Variants in EXOC6B observed in about 807,000 individuals in gnomAD.
EXOC6B encodes SEC15 homolog B.
EXOC6B carries 54 observed loss-of-function variants against 113.5 expected under a neutral mutation model. The observed-to-expected ratio is 0.48, with a 90% CI of 0.38 to 0.60. EXOC6B has a LOEUF of 0.60. Ranked by LOEUF, EXOC6B falls within the 20% of genes least tolerant of loss-of-function variation. The probability of loss-of-function intolerance (pLI) is 0.00; values close to 1 mark genes in which losing one functional copy is unlikely to be tolerated. For synonymous variants in EXOC6B, 357 were observed against 339.0 expected (o/e 1.05, Z -0.58); for missense variants, 797 against 977.5 (o/e 0.82, Z 2.46).
intron 8 of EXOC6B, among the ~76,000 whole-genome samples, chr2:72,522,001 A>G (rs1407036751): frequency 6.6e-6 from 1 of 152,070 alleles, no homozygotes; most frequent in East Asian, 1.9e-4. Flanking sequence ...CGGCCAGTTT[A>G]AAGTTTTTTA....
At chr2:72,392,553 G>A (rs80138923) in intron 18 of EXOC6B, among the ~76,000 whole-genome samples, 27 of 152,122 alleles carry the variant, frequency 1.8e-4, no homozygotes, top group Middle Eastern at 3.4e-3. Context: ...ATCAATATCC[G>A]GATCAGCTCA....
chr2:72,648,619 A>G (rs1412300885), intron 6 of EXOC6B, among the ~76,000 whole-genome samples: 2 of 152,194 alleles, frequency 1.3e-5, no homozygotes, highest in Non-Finnish European at 2.9e-5. Flanking sequence ...CTGCAGAACT[A>G]TCCACAATAG....
chr2:72,659,398 C>T (rs1674840485), intron 6 of EXOC6B, among the ~76,000 whole-genome samples: 1 of 152,118 alleles, frequency 6.6e-6, no homozygotes, highest in Non-Finnish European at 1.5e-5. Flanking sequence ...TCCATCTACT[C>T]ATGATTCACT....
At chr2:72,185,275 G>T (rs776755053) in intron 20 of EXOC6B, among the ~76,000 whole-genome samples, 1 of 152,234 alleles carries the variant, frequency 6.6e-6, no homozygotes, top group Non-Finnish European at 1.5e-5. Context: ...AACAAAGGCA[G>T]AGGGCCAAGA....
intron 18 of EXOC6B, among the ~76,000 whole-genome samples, chr2:72,440,350 C>T (rs1227022525): frequency 6.6e-6 from 1 of 152,150 alleles, no homozygotes; most frequent in African/African-American, 2.4e-5. Flanking sequence ...CAGTGAAACT[C>T]TCATTGGAAA....
chr2:72,611,842 A>C (rs906871384), intron 6 of EXOC6B, among the ~76,000 whole-genome samples: 2 of 152,216 alleles, frequency 1.3e-5, no homozygotes, highest in Non-Finnish European at 2.9e-5. Context: ...AGTTTATTTT[A>C]TATAACAGTT....
chr2:72,344,452 CTT>C (rs1165888281), intron 19 of EXOC6B, among the ~76,000 whole-genome samples: 1 of 145,522 alleles, frequency 6.9e-6, no homozygotes. Flanking sequence ...TGTTGATTTA[CTT>C]TTTTTTTTTG....
At chr2:72,383,304 A>C (rs115785461) in intron 18 of EXOC6B, among the ~76,000 whole-genome samples, 1 of 152,250 alleles carries the variant, frequency 6.6e-6, no homozygotes, top group African/African-American at 2.4e-5. Context: ...CAAGCAAATA[A>C]ACAAACAAAC....
intron 20 of EXOC6B, among the ~76,000 whole-genome samples, chr2:72,302,687 C>A (rs1474909750): frequency 2.3e-4 from 35 of 152,074 alleles, no homozygotes; most frequent in Admixed American, 2.3e-3. Context: ...GGTAGATTTG[C>A]CTCCATCCTT....
chr2:72,296,109 A>C (rs1686121436), intron 20 of EXOC6B, among the ~76,000 whole-genome samples: 1 of 151,996 alleles, frequency 6.6e-6, no homozygotes, highest in Non-Finnish European at 1.5e-5. Context: ...GAATAATATT[A>C]AATAATAATA....
At chr2:72,619,994 C>T (rs1558851343) in intron 6 of EXOC6B, among the ~76,000 whole-genome samples, 1 of 152,338 alleles carries the variant, frequency 6.6e-6, no homozygotes, top group East Asian at 1.9e-4. Flanking sequence ...TGATGAAGAA[C>T]AGAGAAAGGA....
Position 72,507,938 on chromosome 2 carries a change from A to G in EXOC6B, c.1167+5194T>C, listed in dbSNP as rs564024297. 4.6e-5 allele frequency among the ~76,000 whole-genome samples: 7 copies of G among 151,724 alleles called. No individual in the cohort carries two copies. In the East Asian group the frequency reaches 1.3e-3, roughly 29 times the overall value. ...CATTCCCAAATGTATCAGGAACACA[A>G]AAAAACATTGCTTTAGAAAAAAAAA... On this transcript the variant is annotated intron_variant, in intron 11 of 21. Transcript: ENST00000272427.
chr2:72,636,191 A>G (rs191864774), intron 6 of EXOC6B, among the ~76,000 whole-genome samples: 1 of 152,078 alleles, frequency 6.6e-6, no homozygotes, highest in African/African-American at 2.4e-5. Flanking sequence ...CCACTGCATT[A>G]CAGCTAGGTG....
At chr2:72,426,354 T>C (rs1427736195) in intron 18 of EXOC6B, among the ~76,000 whole-genome samples, 5 of 152,246 alleles carry the variant, frequency 3.3e-5, no homozygotes, top group Non-Finnish European at 7.3e-5. Context: ...CTTGAGAGTG[T>C]TGAAAATTTT....
intron 5 of EXOC6B, among the ~76,000 whole-genome samples, chr2:72,723,472 T>C (rs956581951): frequency 6.6e-6 from 1 of 152,186 alleles, no homozygotes. Context: ...TGCCATACCA[T>C]GGAATTCTTT....
At chr2:72,469,730 T>C (rs1387464082) in intron 17 of EXOC6B, among the ~76,000 whole-genome samples, 2 of 152,044 alleles carry the variant, frequency 1.3e-5, no homozygotes, top group Non-Finnish European at 2.9e-5. Context: ...TGTTGTTGGA[T>C]AAAACATTCT....
intron 1 of EXOC6B, among the ~76,000 whole-genome samples, chr2:72,789,878 C>T (rs1684580864): frequency 6.6e-6 from 1 of 152,132 alleles, no homozygotes; most frequent in African/African-American, 2.4e-5. Context: ...GGGAACTTGA[C>T]ACACTCATAG....
At chr2:72,808,396 G>C (rs1388014839) in intron 1 of EXOC6B, among the ~76,000 whole-genome samples, 1 of 152,084 alleles carries the variant, frequency 6.6e-6, no homozygotes, top group Non-Finnish European at 1.5e-5. Context: ...TAGACTATAA[G>C]TTACATATAA....
At chr2:72,692,072 T>C (rs1288581975) in intron 6 of EXOC6B, among the ~76,000 whole-genome samples, 1 of 152,136 alleles carries the variant, frequency 6.6e-6, no homozygotes, top group Non-Finnish European at 1.5e-5. Context: ...ACAATAGCTA[T>C]GTGTTGATTG....
Sources: gnomAD v4.1 joint callset for allele counts (sites outside exome capture counted in the v4.1 genomes callset) on GRCh38, gnomAD v4.1.1 for gene constraint, MANE v1.5 for transcripts, NCBI Gene and HGNC (gene_info 2026-07-23, HGNC 2026-07-21) for gene names.